The following LRP1B variants were observed in gnomAD, a reference collection of about 807,000 sequenced individuals.
The protein encoded by LRP1B is LDL receptor related protein 1B.
Under a neutral mutation model 556.6 loss-of-function variants are expected in LRP1B, and 217 were observed. The ratio of observed to expected loss-of-function variants is 0.39; its 90% CI spans 0.35 to 0.44. The LOEUF (loss-of-function observed/expected upper bound fraction) is 0.44. Among genes scored for constraint, LRP1B ranks in the 20% least tolerant of loss-of-function variants. LRP1B has a pLI of 1.00. For missense variants in LRP1B, 5,053 were observed against 5,620.8 expected (o/e 0.90, Z 3.23); for synonymous variants, 2,047 against 1,865.8 (o/e 1.10, Z -2.50).
chr2:140,747,356 C>T (rs1409013571), intron 35 of LRP1B, among the ~76,000 whole-genome samples: 1 of 152,298 alleles, frequency 6.6e-6, no homozygotes, highest in South Asian at 2.1e-4. Context: ...TGCAGCCTCT[C>T]TGCATGATTT....
At chr2:141,594,329 G>A (rs1415919545) in intron 2 of LRP1B, among the ~76,000 whole-genome samples, 2 of 152,192 alleles carry the variant, frequency 1.3e-5, no homozygotes, top group East Asian at 3.9e-4. Flanking sequence ...CACAACACTG[G>A]GAAGGCAGAT....
chr2:141,396,981 C>T (rs958022933), intron 3 of LRP1B, among the ~76,000 whole-genome samples: 2 of 151,392 alleles, frequency 1.3e-5, no homozygotes, highest in African/African-American at 2.4e-5. Flanking sequence ...GGTGTGGTGA[C>T]GCATGCCTGT....
chr2:141,388,457 A>G (rs1423770037), intron 3 of LRP1B, among the ~76,000 whole-genome samples: 4 of 152,112 alleles, frequency 2.6e-5, no homozygotes, highest in African/African-American at 9.7e-5. Context: ...AAATTAATTA[A>G]ATAAATAAAT....
intron 7 of LRP1B, among the ~76,000 whole-genome samples, chr2:141,077,228 A>G (rs1699810636): frequency 6.6e-6 from 1 of 151,768 alleles, no homozygotes; most frequent in South Asian, 2.1e-4. Context: ...AGCCTGGGCC[A>G]CTGAGTGAGA....
intron 1 of LRP1B, among the ~76,000 whole-genome samples, chr2:142,119,486 T>C (rs1425420765): frequency 6.6e-6 from 1 of 152,144 alleles, no homozygotes; most frequent in African/African-American, 2.4e-5. Context: ...CATCAACTTA[T>C]AAACCTAAAC....
At chr2:140,323,807 G>GTAAC (rs1680300030) in intron 81 of LRP1B, 86 bp downstream of exon 81, 2 of 683,702 alleles carry the variant, frequency 2.9e-6, no homozygotes, top group East Asian at 5.9e-5. Context: ...CATTTACATA[G>GTAAC]TTAAGATATT....
rs16844629 is a variant in LRP1B at position 140,761,020 on chromosome 2, T to C, written c.5758+8193A>G. On this transcript the variant is annotated intron_variant, in intron 35 of 90. Transcript: ENST00000389484. ...ATGGCAGTGTGGAGAAAGCAAATGA[T>C]GAAAAAATATATACGTGTGAATTTA... 9.0e-3 allele frequency among the ~76,000 whole-genome samples: 1,372 copies of C among 152,314 alleles called. 20 individuals are homozygous for C. Among genetic ancestry groups the C allele is most frequent in the African/African-American group, 0.032 (1,312 of 41,576 alleles).
chr2:140,366,294 G>T (rs954087460), intron 71 of LRP1B, among the ~76,000 whole-genome samples: 12 of 151,694 alleles, frequency 7.9e-5, no homozygotes, highest in African/African-American at 2.2e-4. Flanking sequence ...AAAGGAGAGT[G>T]AGCACATAAA....
At chr2:140,929,112 G>C (rs1199244760) in intron 20 of LRP1B, among the ~76,000 whole-genome samples, 1 of 152,210 alleles carries the variant, frequency 6.6e-6, no homozygotes, top group African/African-American at 2.4e-5. Context: ...GACTTGAGTA[G>C]AAGTAGAAAA....
chr2:141,122,767 T>C (rs1446158924), intron 7 of LRP1B, among the ~76,000 whole-genome samples: 1 of 152,198 alleles, frequency 6.6e-6, no homozygotes, highest in African/African-American at 2.4e-5. Flanking sequence ...CCTAAAGGTT[T>C]ATAAATCATG....
At chr2:140,821,164 G>A (rs944202090) in intron 31 of LRP1B, among the ~76,000 whole-genome samples, 9 of 151,898 alleles carry the variant, frequency 5.9e-5, no homozygotes, top group African/African-American at 1.5e-4. Context: ...ACTGAACTAC[G>A]TCCTCCTGGA....
At chr2:140,644,433 T>C (rs971788012) in intron 41 of LRP1B, among the ~76,000 whole-genome samples, 3 of 148,600 alleles carry the variant, frequency 2.0e-5, no homozygotes, top group Admixed American at 6.8e-5. Context: ...AGTGTCTTCC[T>C]CTGTCACCTA....
At chr2:140,407,903 C>T (rs1045568661) in intron 66 of LRP1B, among the ~76,000 whole-genome samples, 1 of 151,904 alleles carries the variant, frequency 6.6e-6, no homozygotes, top group Admixed American at 6.6e-5. Context: ...GCACACTTCA[C>T]CACTGCAAAA....
chr2:141,789,903 C>G (rs959854434), intron 2 of LRP1B, among the ~76,000 whole-genome samples: 1 of 151,938 alleles, frequency 6.6e-6, no homozygotes, highest in Non-Finnish European at 1.5e-5. Context: ...CTTCATTTTT[C>G]CCTTTTATTG....
At chr2:141,471,088 T>A (rs1308789822) in intron 3 of LRP1B, among the ~76,000 whole-genome samples, 1 of 152,154 alleles carries the variant, frequency 6.6e-6, no homozygotes, top group East Asian at 1.9e-4. Flanking sequence ...AGTTGATCAA[T>A]GTGAGGTAAG....
At chr2:141,262,591 A>C (rs2105353859) in intron 3 of LRP1B, among the ~76,000 whole-genome samples, 1 of 152,248 alleles carries the variant, frequency 6.6e-6, no homozygotes, top group South Asian at 2.1e-4. Flanking sequence ...ATTTCCATAA[A>C]TGGTAAAATC....
At chr2:141,321,367 G>A (rs1687235334) in intron 3 of LRP1B, among the ~76,000 whole-genome samples, 1 of 152,060 alleles carries the variant, frequency 6.6e-6, no homozygotes, top group South Asian at 2.1e-4. Flanking sequence ...TCAGAGCTCA[G>A]CTTTTCTACA....
chr2:141,895,679 A>T (rs1450143972), intron 1 of LRP1B, among the ~76,000 whole-genome samples: 1 of 152,182 alleles, frequency 6.6e-6, no homozygotes, highest in African/African-American at 2.4e-5. Context: ...AACTAGATTT[A>T]TTTCTCTTTA....
chr2:142,056,030 A>T (rs1704656687), intron 1 of LRP1B, among the ~76,000 whole-genome samples: 1 of 152,126 alleles, frequency 6.6e-6, no homozygotes, highest in African/African-American at 2.4e-5. Context: ...GCATGCCTGT[A>T]ATCCCAGCTA....
Sources: gnomAD v4.1 joint callset for allele counts (sites outside exome capture counted in the v4.1 genomes callset) on GRCh38, gnomAD v4.1.1 for gene constraint, MANE v1.5 for transcripts, NCBI Gene and HGNC (gene_info 2026-07-23, HGNC 2026-07-21) for gene names.